AKAP19: variants seen among roughly 807,000 people sequenced by gnomAD.
AKAP19 encodes small A-kinase anchoring protein.
chr2:190,025,198 T>C, the AKAP19 span, among the ~76,000 whole-genome samples: 1 of 152,192 alleles, frequency 6.6e-6, no homozygotes, highest in Non-Finnish European at 1.5e-5. Flanking sequence ...TACAGGGTGT[T>C]CTTTCTAAAA....
At chr2:190,051,436 G>T in the AKAP19 span, among the ~76,000 whole-genome samples, 2 of 152,164 alleles carry the variant, frequency 1.3e-5, no homozygotes, top group African/African-American at 4.8e-5. Flanking sequence ...GCCAGGATGA[G>T]GAATCTTTGG....
chr2:190,108,353 G>C, the AKAP19 span, among the ~76,000 whole-genome samples: 2 of 152,054 alleles, frequency 1.3e-5, no homozygotes, highest in African/African-American at 4.8e-5. Context: ...ATGGGGTTTT[G>C]CCATGTTGGC....
At chr2:190,011,225 T>G in the AKAP19 span, among the ~76,000 whole-genome samples, 1 of 151,920 alleles carries the variant, frequency 6.6e-6, no homozygotes, top group African/African-American at 2.4e-5. Context: ...ATCCAGCTAA[T>G]TTTTTGTATT....
the AKAP19 span, among the ~76,000 whole-genome samples, chr2:190,061,219 T>C: frequency 6.6e-6 from 1 of 152,058 alleles, no homozygotes; most frequent in African/African-American, 2.4e-5. Context: ...AGGGAAATAA[T>C]ATTTTAAAAC....
At chr2:190,118,604 C>G in the AKAP19 span, among the ~76,000 whole-genome samples, 2 of 152,044 alleles carry the variant, frequency 1.3e-5, no homozygotes, top group Admixed American at 6.5e-5. Context: ...TAAACAGAAC[C>G]AAAGACAAAA....
chr2:189,927,476 TC>T, the AKAP19 span, among the ~76,000 whole-genome samples: 7 of 152,362 alleles, frequency 4.6e-5, no homozygotes, highest in East Asian at 1.3e-3. Flanking sequence ...GCTATTCTTT[TC>T]TTTTTAACTT....
chr2:189,900,363 T>A, the AKAP19 span, among the ~76,000 whole-genome samples: 14 of 152,084 alleles, frequency 9.2e-5, no homozygotes, highest in African/African-American at 3.4e-4. Flanking sequence ...TTCAAGAAGA[T>A]GTTTTGCATA....
the AKAP19 span, among the ~76,000 whole-genome samples, chr2:189,992,222 A>G: frequency 6.6e-6 from 1 of 151,624 alleles, no homozygotes; most frequent in African/African-American, 2.4e-5. Flanking sequence ...TGCCCAGCTA[A>G]TTTTTGTATT....
At chr2:190,110,320 C>A in the AKAP19 span, among the ~76,000 whole-genome samples, 1 of 152,176 alleles carries the variant, frequency 6.6e-6, no homozygotes, top group Non-Finnish European at 1.5e-5. Flanking sequence ...TGAATCATCT[C>A]AAAAACTGCC....
the AKAP19 span, among the ~76,000 whole-genome samples, chr2:189,997,141 G>A: frequency 6.6e-6 from 1 of 152,226 alleles, no homozygotes; most frequent in Non-Finnish European, 1.5e-5. Context: ...TGCAGGCAGT[G>A]GAGTTAGCTG....
chr2:189,948,568 C>A, the AKAP19 span, among the ~76,000 whole-genome samples: 1 of 152,122 alleles, frequency 6.6e-6, no homozygotes, highest in Non-Finnish European at 1.5e-5. Flanking sequence ...GTATGTACAT[C>A]CACCCCCATA....
At chr2:190,129,940 T>C in the AKAP19 span, among the ~76,000 whole-genome samples, 1 of 152,190 alleles carries the variant, frequency 6.6e-6, no homozygotes, top group African/African-American at 2.4e-5. Context: ...TTTTCTATCT[T>C]GTGGTTACTT....
At chr2:190,079,371 G>A in the AKAP19 span, 2 of 152,204 alleles carry the variant, frequency 1.3e-5, no homozygotes, top group South Asian at 2.1e-4. Context: ...GGTCTAGTGT[G>A]GGCCACCAAA....
At chr2:190,053,138 T>C in the AKAP19 span, among the ~76,000 whole-genome samples, 1 of 152,190 alleles carries the variant, frequency 6.6e-6, no homozygotes, top group Non-Finnish European at 1.5e-5. Flanking sequence ...TGCCAAACTA[T>C]ACAGTTCCAT....
At chr2:189,954,008 T>C in the AKAP19 span, among the ~76,000 whole-genome samples, 1 of 152,142 alleles carries the variant, frequency 6.6e-6, no homozygotes, top group Admixed American at 6.5e-5. Context: ...TGAGGATGTA[T>C]GTTGAGCCAG....
At chr2:189,954,465 C>T in the AKAP19 span, among the ~76,000 whole-genome samples, 1 of 152,304 alleles carries the variant, frequency 6.6e-6, no homozygotes, top group South Asian at 2.1e-4. Context: ...CTTACAAATA[C>T]ATACACATTA....
chr2:190,160,972 C>T, the AKAP19 span, among the ~76,000 whole-genome samples: 1 of 152,026 alleles, frequency 6.6e-6, no homozygotes, highest in African/African-American at 2.4e-5. Flanking sequence ...TATATTTGGT[C>T]TTAGATGATT....
chr2:190,103,252 C>G, the AKAP19 span, among the ~76,000 whole-genome samples: 7 of 152,108 alleles, frequency 4.6e-5, no homozygotes, highest in Admixed American at 2.6e-4. Flanking sequence ...TGGGCAAAAG[C>G]TGGAAGCATT....
At chr2:190,180,287 C>T in the AKAP19 span, among the ~76,000 whole-genome samples, 3 of 152,172 alleles carry the variant, frequency 2.0e-5, no homozygotes, top group Admixed American at 6.5e-5. The surrounding 1 kb of genome is among the most constrained non-coding windows in gnomAD (Gnocchi z 6.8). Context: ...CTGGGAAGGC[C>T]GCGGCCAGGC....
Sources: allele counts gnomAD v4.1 joint callset (sites outside exome capture counted in the v4.1 genomes callset), GRCh38; gene constraint gnomAD v4.1.1; non-coding constraint Gnocchi (gnomAD v3.1); transcripts MANE v1.5; gene names NCBI Gene and HGNC (gene_info 2026-07-23, HGNC 2026-07-21).